The following MED23 variants were observed in gnomAD, a reference collection of about 807,000 sequenced individuals.
MED23 encodes the protein mediator of RNA polymerase II transcription subunit 23.
MED23 carries 105 observed loss-of-function variants against 163.9 expected under a neutral mutation model. That is an observed-to-expected ratio of 0.64 (90% CI 0.55 to 0.75). The LOEUF (loss-of-function observed/expected upper bound fraction) is 0.75. Among genes scored for constraint, MED23 ranks in the 30% least tolerant of loss-of-function variants. The pLI is 0.00. For missense variants in MED23, 1,054 were observed against 1,649.0 expected, an observed-to-expected ratio of 0.64 and a Z score of 6.25; for synonymous variants, 561 against 565.6, an observed-to-expected ratio of 0.99 and a Z score of 0.12.
Position 131,620,539 on chromosome 6 carries a change from C to G in MED23, c.597+89G>C, listed in dbSNP as rs150247612. On this transcript the variant is annotated intron_variant, in intron 7 of 28. Coordinates refer to ENST00000368068, the MANE Select transcript of MED23 (RefSeq NM_004830.4). ...GGGTCTTGAACTCTTGTCCTCAAAT[C>G]ATCTTCCCACCTTTGCCTCCCAAAG... 2.6e-3 allele frequency: 2,197 copies of G among 842,732 alleles called. 16 individuals are homozygous for G. Among genetic ancestry groups the G allele is most frequent in the South Asian group, 0.016 (1,145 of 71,026 alleles). The allele number at this position is 842,732 out of a possible 1,614,324, so 52.2% of individuals were successfully genotyped here.
rs1562372710 is a variant in MED23 at position 131,593,146 on chromosome 6, G to C, written c.3258C>G (p.Pro1086=). ...VDTMAGKSPG[P]FPNCDWRFNE... The stretch of plus-strand genomic sequence containing the variant: ...TGAATCTCCAGTCACAGTTTGGAAA[G>C]GGACCAGGAGATTTGCCAGCCATCG... The change falls in exon 24 of 29, where the codon CCC becomes CCG. Residue 1086 remains proline (P), a synonymous_variant. Coordinates refer to ENST00000368068, the MANE Select transcript of MED23 (RefSeq NM_004830.4). 1.2e-6 allele frequency: 2 copies of C among 1,614,170 alleles called. No individual in the cohort carries two copies. The highest frequency in any genetic ancestry group is 1.7e-6 in the Non-Finnish European group (2 of 1,180,020).
intron 14 of MED23, 130 bp downstream of exon 14, chr6:131,605,106 AAAAT>A: frequency 1.1e-6 from 1 of 897,948 alleles, no homozygotes; most frequent in Non-Finnish European, 1.7e-6. Flanking sequence ...CTTTTGTAAT[AAAAT>A]AAAGCTAACT....
intron 20 of MED23, among the ~76,000 whole-genome samples, chr6:131,597,492 A>AAAG (rs1554254018): frequency 4.3e-5 from 6 of 140,602 alleles, no homozygotes; most frequent in African/African-American, 1.0e-4. Context: ...AAAAAAAAAA[A>AAAG]AAAAAGAAAA....
intron 30 of MED23, among the ~76,000 whole-genome samples, chr6:131,580,676 T>A (rs1427869500): frequency 6.6e-6 from 1 of 152,210 alleles, no homozygotes; most frequent in Non-Finnish European, 1.5e-5. Context: ...TTGAATAGAA[T>A]GAGTGAACAC....
intron 30 of MED23, chr6:131,579,092 CAA>C (rs1773780707): frequency 6.2e-7 from 1 of 1,613,540 alleles, no homozygotes; most frequent in Non-Finnish European, 8.5e-7. Flanking sequence ...TTTAGTAACT[CAA>C]AACTTTTTAA....
intron 3 of MED23, among the ~76,000 whole-genome samples, chr6:131,625,595 T>A (rs1777427718): frequency 6.6e-6 from 1 of 152,222 alleles, no homozygotes; most frequent in Admixed American, 6.5e-5. Context: ...CATACATACT[T>A]CTATTGTGGC....
At chr6:131,618,270 A>G in intron 9 of MED23, 137 bp downstream of exon 9, 1 of 728,612 alleles carries the variant, frequency 1.4e-6, no homozygotes. Context: ...CTAGAATAAC[A>G]TGATAAACTA....
At position 131,587,358 on chromosome 6, in the gene MED23, CG is replaced by C; in HGVS notation, c.*320del. The stretch of plus-strand genomic sequence containing the variant: ...TAATAAAAAATACAAACAAAAACAA[CG>C]GCTAGAATAGGAAAGACTGAAAGTG... On this transcript the variant is annotated 3_prime_UTR_variant, in exon 29 of 29. Coordinates refer to ENST00000368068, the MANE Select transcript of MED23 (RefSeq NM_004830.4). 2 of 1,132,442 alleles carry C rather than the reference CG, an allele frequency of 1.8e-6. No individual in the cohort carries two copies. Among genetic ancestry groups the C allele is most frequent in the Non-Finnish European group, 2.2e-6 (2 of 923,396 alleles). 70.1% of individuals were successfully genotyped at this position (1,132,442 alleles called of 1,614,324 possible).
intron 10 of MED23, 140 bp downstream of exon 10, chr6:131,615,767 T>C (rs1311445827): frequency 4.3e-6 from 3 of 696,054 alleles, no homozygotes; most frequent in Non-Finnish European, 7.7e-6. Context: ...AATAATACAT[T>C]GTTTAAAAAA....
At chr6:131,621,758 A>G (rs532468794) in intron 6 of MED23, 123 bp downstream of exon 6, 5 of 554,694 alleles carry the variant, frequency 9.0e-6, no homozygotes, top group Non-Finnish European at 1.6e-5. Flanking sequence ...AATAGAAGTG[A>G]TTTTTTTTTG....
At position 131,616,003 on chromosome 6, in the gene MED23, C is replaced by T. The variant is rs1210169471; in HGVS notation, c.781-1G>A. On this transcript the variant is annotated splice_acceptor_variant, in intron 9 of 28. Coordinates refer to ENST00000368068, the MANE Select transcript of MED23 (RefSeq NM_004830.4). LOFTEE classifies it high-confidence loss of function. ...AAGCAGTCTGTGGTTCAAACAGATC[C>T]TTTAAAGAAAATAAGAAAATCATTG... 4 of 1,606,996 alleles carry T rather than the reference C, an allele frequency of 2.5e-6. No individual in the cohort carries two copies. Among genetic ancestry groups the T allele is most frequent in the Non-Finnish European group, 3.4e-6 (4 of 1,174,010 alleles).
intron 3 of MED23, among the ~76,000 whole-genome samples, chr6:131,625,281 CTT>C (rs765267064): frequency 8.5e-5 from 13 of 152,298 alleles, no homozygotes; most frequent in East Asian, 1.9e-4. Context: ...ATAGAAAACT[CTT>C]AACACAGATT....
At chr6:131,586,558 ATTTGAAATACAG>A (rs780641681), downstream of MED23, among the ~76,000 whole-genome samples, 1 of 152,192 alleles carries the variant, frequency 6.6e-6, no homozygotes, top group Non-Finnish European at 1.5e-5. Flanking sequence ...AGAAATATGA[ATTTGAAATACAG>A]TTGGTTAAAT....
chr6:131,609,714 CTATATA>C (rs1468011450), intron 11 of MED23, among the ~76,000 whole-genome samples: 1 of 144,772 alleles, frequency 6.9e-6, no homozygotes, highest in Non-Finnish European at 1.5e-5. Context: ...TATATGTACT[CTATATA>C]TATATACACA....
intron 30 of MED23, among the ~76,000 whole-genome samples, chr6:131,577,646 A>C (rs1773685457): frequency 6.6e-6 from 1 of 152,018 alleles, no homozygotes; most frequent in Non-Finnish European, 1.5e-5. Flanking sequence ...TGAGGCCTGT[A>C]ATCCTATCAC....
intron 10 of MED23, among the ~76,000 whole-genome samples, chr6:131,612,357 T>C (rs925535175): frequency 3.3e-5 from 5 of 152,014 alleles, no homozygotes; most frequent in Admixed American, 3.3e-4. Context: ...CTGCTTTAGT[T>C]TTCAATTATT....
chr6:131,577,635 C>T (rs1284423769), intron 30 of MED23, among the ~76,000 whole-genome samples: 3 of 151,828 alleles, frequency 2.0e-5, no homozygotes, highest in Non-Finnish European at 2.9e-5. Flanking sequence ...GGCACGGTGG[C>T]TGAGGCCTGT....
At chr6:131,619,403 T>G (rs1424239084) in intron 8 of MED23, among the ~76,000 whole-genome samples, 7 of 152,118 alleles carry the variant, frequency 4.6e-5, no homozygotes, top group Admixed American at 4.6e-4. Flanking sequence ...GTTCAGAGAC[T>G]CTAACAAAAC....
At chr6:131,592,319 T>A in intron 25 of MED23, 69 bp downstream of exon 25, 1 of 1,400,026 alleles carries the variant, frequency 7.1e-7, no homozygotes. Flanking sequence ...ATGCATCTTT[T>A]TCTTTTTGCT....
Sources: gnomAD v4.1 joint callset for allele counts (sites outside exome capture counted in the v4.1 genomes callset) on GRCh38, gnomAD v4.1.1 for gene constraint, MANE v1.5 for transcripts, NCBI Gene and HGNC (gene_info 2026-07-23, HGNC 2026-07-21) for gene names.